Variants in DSCAM observed in about 807,000 individuals in gnomAD.
The protein encoded by DSCAM is DS cell adhesion molecule.
Under a neutral mutation model 217.7 loss-of-function variants are expected in DSCAM, and 47 were observed. The ratio of observed to expected loss-of-function variants is 0.22; its 90% CI spans 0.17 to 0.28. DSCAM has a LOEUF of 0.28. Ranked by LOEUF, DSCAM falls within the 10% of genes least tolerant of loss-of-function variation. The pLI is 1.00. For synonymous variants in DSCAM, 1,056 were observed against 1,015.3 expected, an observed-to-expected ratio of 1.04 and a Z score of -0.76; for missense variants, 2,080 against 2,618.3, an observed-to-expected ratio of 0.79 and a Z score of 4.49.
intron 11 of DSCAM, among the ~76,000 whole-genome samples, chr21:40,243,970 G>A (rs2146947313): frequency 6.6e-6 from 1 of 152,272 alleles, no homozygotes; most frequent in Middle Eastern, 3.4e-3. Context: ...AGAAAGCACA[G>A]CTAAAGACAA....
chr21:40,121,320 T>C (rs1261897564), intron 20 of DSCAM, among the ~76,000 whole-genome samples: 4 of 152,224 alleles, frequency 2.6e-5, no homozygotes, highest in African/African-American at 9.6e-5. Flanking sequence ...GGATACTATT[T>C]ACAAGTATTC....
intron 32 of DSCAM, among the ~76,000 whole-genome samples, chr21:40,035,870 A>C (rs1441926207): frequency 6.8e-6 from 1 of 147,134 alleles, no homozygotes; most frequent in African/African-American, 2.7e-5. Context: ...CTCACTCAAA[A>C]CCGCTCAACT....
intron 32 of DSCAM, among the ~76,000 whole-genome samples, chr21:40,023,419 T>G (rs2088313454): frequency 6.6e-6 from 1 of 151,876 alleles, no homozygotes; most frequent in South Asian, 2.1e-4. Context: ...GTATTTCTAG[T>G]TCTAGGTCCC....
intron 3 of DSCAM, among the ~76,000 whole-genome samples, chr21:40,568,766 G>A (rs2076783982): frequency 6.6e-6 from 1 of 152,188 alleles, no homozygotes; most frequent in African/African-American, 2.4e-5. Flanking sequence ...CCTATAAGCA[G>A]ACAATTTTGT....
chr21:40,793,444 C>T (rs1190992401), intron 1 of DSCAM, among the ~76,000 whole-genome samples: 1 of 150,438 alleles, frequency 6.6e-6, no homozygotes, highest in Non-Finnish European at 1.5e-5. Flanking sequence ...TACATAAATC[C>T]CTTGCTTTTT....
intron 11 of DSCAM, among the ~76,000 whole-genome samples, chr21:40,245,636 G>A (rs1240721092): frequency 6.6e-6 from 1 of 152,176 alleles, no homozygotes; most frequent in Admixed American, 6.5e-5. Flanking sequence ...GGCTCGCTTA[G>A]GTGGGTGGAG....
At chr21:40,094,696 C>A (rs895245203) in intron 20 of DSCAM, among the ~76,000 whole-genome samples, 2 of 152,124 alleles carry the variant, frequency 1.3e-5, no homozygotes, top group Non-Finnish European at 2.9e-5. Flanking sequence ...AGGGTCTTAC[C>A]ACAAAGGGGA....
At chr21:40,433,412 G>A (rs2145900474) in intron 3 of DSCAM, among the ~76,000 whole-genome samples, 1 of 149,670 alleles carries the variant, frequency 6.7e-6, no homozygotes, top group Middle Eastern at 3.5e-3. Context: ...GACCAACACA[G>A]AAAGCATAAC....
At chr21:40,845,444 T>A (rs2092136069) in intron 1 of DSCAM, among the ~76,000 whole-genome samples, 1 of 152,096 alleles carries the variant, frequency 6.6e-6, no homozygotes, top group Non-Finnish European at 1.5e-5. Flanking sequence ...TCCCTGTGTG[T>A]CTTCCAGGAA....
chr21:40,310,292 T>C (rs555568894), intron 9 of DSCAM, among the ~76,000 whole-genome samples: 1 of 151,078 alleles, frequency 6.6e-6, no homozygotes, highest in East Asian at 2.0e-4. Context: ...GACCAAAAAA[T>C]GCACATCAGT....
chr21:40,585,163 C>T (rs1324731488), intron 3 of DSCAM, among the ~76,000 whole-genome samples: 2 of 139,614 alleles, frequency 1.4e-5, no homozygotes, highest in Non-Finnish European at 3.1e-5. Context: ...TGTAGAACCG[C>T]GAGACAAATC....
rs2075118993 is a variant in DSCAM, at chr21:40,389,928, G to A, written c.509-20683C>T. Among the ~76,000 whole-genome samples the A allele has an allele frequency of 3.9e-5, 6 of 152,234 alleles. No individual in the cohort carries two copies. The South Asian group carries it at 8.3e-4, about 21-fold the overall frequency. ...AGAATGTATCCTAAGAGGACGTATTGTGTGGTCAGAGCTACAAGTCTGGGT... is the reference window on the plus strand; with the variant it reads ...AGAATGTATCCTAAGAGGACGTATTATGTGGTCAGAGCTACAAGTCTGGGT... On this transcript the variant is annotated intron_variant, in intron 3 of 32. Transcript: ENST00000400454.
chr21:40,158,465 G>A (rs1033568091), intron 16 of DSCAM, among the ~76,000 whole-genome samples: 1 of 152,188 alleles, frequency 6.6e-6, no homozygotes, highest in Non-Finnish European at 1.5e-5. Context: ...ATAGGCTACT[G>A]TATGTTCCCT....
intron 18 of DSCAM, among the ~76,000 whole-genome samples, chr21:40,138,392 T>C (rs1453175133): frequency 6.6e-6 from 1 of 150,444 alleles, no homozygotes; most frequent in East Asian, 2.0e-4. Context: ...GTGTGATGTG[T>C]GGTGTGGTGA....
At chr21:40,344,248 A>G (rs1168510999) in intron 6 of DSCAM, among the ~76,000 whole-genome samples, 2 of 152,230 alleles carry the variant, frequency 1.3e-5, no homozygotes, top group East Asian at 3.8e-4. Flanking sequence ...TAAAGAAATT[A>G]AAAAAGAAAA....
At chr21:40,312,478 C>T (rs951329605) in intron 8 of DSCAM, 119 bp from the exon 9 acceptor site, 1 of 1,148,112 alleles carries the variant, frequency 8.7e-7, no homozygotes, top group Non-Finnish European at 1.2e-6. Flanking sequence ...CATAGAAATA[C>T]AGGAACTGTA....
chr21:40,176,141 G>C (rs2090727318), intron 15 of DSCAM, among the ~76,000 whole-genome samples: 1 of 152,072 alleles, frequency 6.6e-6, no homozygotes, highest in Admixed American at 6.5e-5. Context: ...TTGCACCAGG[G>C]AGGAAGGCAT....
chr21:40,824,403 A>AT (rs536114434), intron 1 of DSCAM, among the ~76,000 whole-genome samples: 1,956 of 120,998 alleles, frequency 0.016, 60 homozygotes, highest in African/African-American at 0.036. Context: ...TTTATTATTG[A>AT]TTTTTTTTTT....
intron 3 of DSCAM, among the ~76,000 whole-genome samples, chr21:40,587,596 C>A (rs757809542): frequency 6.6e-6 from 1 of 152,178 alleles, no homozygotes; most frequent in African/African-American, 2.4e-5. Context: ...TACTTAGCAT[C>A]TCTGTCATTG....
Sources: allele counts gnomAD v4.1 joint callset (sites outside exome capture counted in the v4.1 genomes callset), GRCh38; gene constraint gnomAD v4.1.1; transcripts MANE v1.5; gene names NCBI Gene and HGNC (gene_info 2026-07-23, HGNC 2026-07-21).